G3BP2: variants seen among roughly 807,000 people sequenced by gnomAD.
G3BP2 encodes the protein G3BP stress granule assembly factor 2, also known as ras GTPase-activating protein-binding protein 2.
A neutral mutation model predicts 56.7 loss-of-function variants in G3BP2; 11 were observed. The ratio of observed to expected loss-of-function variants is 0.19; its 90% confidence interval spans 0.12 to 0.32. G3BP2 has a LOEUF of 0.32. Among genes scored for constraint, G3BP2 ranks in the 10% least tolerant of loss-of-function variants. G3BP2 has a pLI of 1.00. For missense variants in G3BP2, 340 were observed against 610.9 expected, an observed-to-expected ratio of 0.56 and a Z score of 4.67; for synonymous variants, 165 against 191.6, an observed-to-expected ratio of 0.86 and a Z score of 1.15.
intron 3 of G3BP2, among the ~76,000 whole-genome samples, chr4:75,698,338 A>G (rs1719207333): frequency 6.6e-6 from 1 of 152,196 alleles, no homozygotes; most frequent in Non-Finnish European, 1.5e-5. Flanking sequence ...CAAGAAATGC[A>G]GGTGGCTTCT....
chr4:75,687,866 A>C (rs1159576786), intron 3 of G3BP2, among the ~76,000 whole-genome samples: 3 of 152,192 alleles, frequency 2.0e-5, no homozygotes, highest in Non-Finnish European at 2.9e-5. Flanking sequence ...TGGGCCATAC[A>C]AGGGTTTGAG....
chr4:75,710,044 T>A (rs1162144259), intron 3 of G3BP2, among the ~76,000 whole-genome samples: 1 of 152,156 alleles, frequency 6.6e-6, no homozygotes, highest in African/African-American at 2.4e-5. Flanking sequence ...GACCACATAC[T>A]AGGTAATGTA....
intron 3 of G3BP2, among the ~76,000 whole-genome samples, chr4:75,684,917 T>C (rs188266192): frequency 6.6e-6 from 1 of 152,066 alleles, no homozygotes; most frequent in Non-Finnish European, 1.5e-5. Flanking sequence ...TAATAAGTTA[T>C]CAAAATAAAG....
At chr4:75,686,582 G>A (rs1321893681) in intron 3 of G3BP2, among the ~76,000 whole-genome samples, 2 of 136,498 alleles carry the variant, frequency 1.5e-5, no homozygotes, top group Non-Finnish European at 3.2e-5. Context: ...GGGGGTGGGG[G>A]GGCGGGTGGC....
chr4:75,665,748 G>A (rs575231046), intron 1 of G3BP2, among the ~76,000 whole-genome samples: 1 of 151,622 alleles, frequency 6.6e-6, no homozygotes, highest in Admixed American at 6.6e-5. Flanking sequence ...AGACTTACCT[G>A]GTAAAATTTA....
Position 75,658,813 on chromosome 4 carries a change from T to G in G3BP2, c.177+30A>C, listed in dbSNP as rs764948903. 5.0e-6 allele frequency: 7 copies of G among 1,392,630 alleles called. No homozygotes were observed. The Middle Eastern group carries it at 5.3e-4, about 105-fold the overall frequency. 86.3% of individuals were successfully genotyped at this position (1,392,630 alleles called of 1,614,324 possible). A position where few individuals can be genotyped will look rare whatever the true frequency, so the allele number is the denominator to read the frequency against. ...TAAAATCTCCATCTTAACACAAAAT[T>G]TCTAAACTACATATGAAATTGATAC... On this transcript the variant is annotated intron_variant, in intron 3 of 11. Transcript: ENST00000359707.
intron 3 of G3BP2, among the ~76,000 whole-genome samples, chr4:75,716,287 G>A (rs115576582): frequency 0.2 from 30,017 of 149,944 alleles, 3,115 homozygotes; most frequent in African/African-American, 0.23. Flanking sequence ...CTTGTGTCTC[G>A]GCCTCCCAAG....
chr4:75,653,589 T>TA (rs11422883), intron 8 of G3BP2, among the ~76,000 whole-genome samples: 49,860 of 121,426 alleles, frequency 0.41, 11,261 homozygotes, highest in African/African-American at 0.62. Flanking sequence ...TTTTTTGCTT[T>TA]AAAAAAAAAA....
intron 3 of G3BP2, among the ~76,000 whole-genome samples, chr4:75,692,171 G>C (rs1224867049): frequency 6.6e-6 from 1 of 152,100 alleles, no homozygotes; most frequent in African/African-American, 2.4e-5. Context: ...CTGTTCTTCA[G>C]AACCCTGTGC....
chr4:75,687,856 T>C (rs1432845419), intron 3 of G3BP2, among the ~76,000 whole-genome samples: 1 of 152,198 alleles, frequency 6.6e-6, no homozygotes, highest in Non-Finnish European at 1.5e-5. Context: ...CTGTGGAACA[T>C]GGGCCATACA....
intron 3 of G3BP2, among the ~76,000 whole-genome samples, chr4:75,684,968 A>G (rs1183877953): frequency 6.6e-6 from 1 of 152,136 alleles, no homozygotes; most frequent in African/African-American, 2.4e-5. Flanking sequence ...TTAAAAAGTC[A>G]TGTTACACTA....
chr4:75,705,113 T>C (rs1433682358), intron 3 of G3BP2, among the ~76,000 whole-genome samples: 2 of 152,216 alleles, frequency 1.3e-5, no homozygotes, highest in African/African-American at 4.8e-5. Flanking sequence ...GCCAAAATAT[T>C]GGACACCCCT....
chr4:75,693,257 A>G (rs1458119107), intron 3 of G3BP2, among the ~76,000 whole-genome samples: 1 of 152,118 alleles, frequency 6.6e-6, no homozygotes, highest in Non-Finnish European at 1.5e-5. Flanking sequence ...ATAAATAAAT[A>G]AAATAAAACT....
intron 3 of G3BP2, among the ~76,000 whole-genome samples, chr4:75,703,651 T>C (rs989931607): frequency 1.8e-4 from 27 of 151,988 alleles, no homozygotes; most frequent in African/African-American, 6.3e-4. Context: ...TTTAAGACAA[T>C]GGATAAAAGC....
At chr4:75,652,595 C>A (rs1174148084) in intron 8 of G3BP2, among the ~76,000 whole-genome samples, 2 of 152,176 alleles carry the variant, frequency 1.3e-5, no homozygotes, top group African/African-American at 4.8e-5. Context: ...GCCACTACCA[C>A]TGCACTCCAG....
chr4:75,717,834 T>C (rs1468136422), intron 3 of G3BP2, among the ~76,000 whole-genome samples: 1 of 152,016 alleles, frequency 6.6e-6, no homozygotes, highest in African/African-American at 2.4e-5. Flanking sequence ...TGTCCCTCGA[T>C]AAACAGTTTT....
intron 3 of G3BP2, among the ~76,000 whole-genome samples, chr4:75,712,095 A>G (rs1239351878): frequency 1.3e-5 from 2 of 152,228 alleles, no homozygotes; most frequent in Non-Finnish European, 2.9e-5. Context: ...TAGATACGCT[A>G]ATTACCCTAA....
rs532365014 is a variant in G3BP2 at position 75,646,516 on chromosome 4, C to G, written c.1058-60G>C. 2.5e-5 allele frequency: 24 copies of G among 958,248 alleles called. No homozygotes were observed. In the Admixed American group the frequency reaches 3.7e-4, roughly 15 times the overall value. 59.4% of individuals were successfully genotyped at this position (958,248 alleles called of 1,614,324 possible). A position where few individuals can be genotyped will look rare whatever the true frequency, so the allele number is the denominator to read the frequency against. On this transcript the variant is annotated intron_variant, in intron 10 of 11. Coordinates refer to ENST00000359707, the MANE Select transcript of G3BP2 (RefSeq NM_203505.3). The stretch of plus-strand genomic sequence containing the variant: ...TTTTTAACAGAATACCTTGATGGCT[C>G]TAATTGTTCAGGATGAATATCGTTA...
rs1165036694 is a variant in G3BP2, at chr4:75,669,166, G to A, written c.-25+4042C>T. The stretch of plus-strand genomic sequence containing the variant: ...TTCTAACCTGGCAATTTCAGCTTCT[G>A]GTCTCATGTCTACCTAAACGTGTAT... On this transcript the variant is annotated intron_variant, in intron 1 of 11. Transcript: ENST00000359707. Among the ~76,000 whole-genome samples, 3 of 152,066 alleles carry A rather than the reference G, an allele frequency of 2.0e-5. No homozygotes were observed. The East Asian group carries it at 5.8e-4, about 29-fold the overall frequency.
Sources: allele counts gnomAD v4.1 joint callset (sites outside exome capture counted in the v4.1 genomes callset), GRCh38; gene constraint gnomAD v4.1.1; transcripts MANE v1.5; gene names NCBI Gene and HGNC (gene_info 2026-07-23, HGNC 2026-07-21).